Variants in ADAMTSL3 observed in about 807,000 individuals in gnomAD.
ADAMTSL3 encodes the protein ADAMTS like 3.
In ADAMTSL3, 128 loss-of-function variants were observed where a neutral mutation model predicts 201.7. That is an observed-to-expected ratio of 0.63 (90% CI 0.55 to 0.73). ADAMTSL3 has a LOEUF of 0.73. ADAMTSL3 is among the 30% of genes least tolerant of loss of function. ADAMTSL3 has a pLI of 0.00. For missense variants in ADAMTSL3, 1,990 were observed against 2,119.6 expected (o/e 0.94, Z 1.20); for synonymous variants, 738 against 748.4 (o/e 0.99, Z 0.23).
chr15:83,704,003 CA>C (rs373378778), intron 2 of ADAMTSL3, among the ~76,000 whole-genome samples: 68 of 127,764 alleles, frequency 5.3e-4, no homozygotes, highest in East Asian at 1.8e-3. Flanking sequence ...ACTCCTTTGC[CA>C]AAAAAAAAAA....
intron 2 of ADAMTSL3, among the ~76,000 whole-genome samples, chr15:83,697,826 C>T (rs1174174572): frequency 6.6e-6 from 1 of 152,104 alleles, no homozygotes; most frequent in Non-Finnish European, 1.5e-5. Flanking sequence ...CTTTCAGCAC[C>T]TCTCCCTTCA....
intron 4 of ADAMTSL3, among the ~76,000 whole-genome samples, chr15:83,801,651 A>AATATATATATATATATATATATATAT (rs68098545): frequency 2.6e-4 from 8 of 31,284 alleles, no homozygotes; most frequent in Non-Finnish European, 4.7e-4. Flanking sequence ...TATAAATATA[A>AATATATATATATATATATATATATAT]ATATATATAT....
At position 83,892,951 on chromosome 15, in the gene ADAMTSL3, G is replaced by A. The variant is rs544172569; in HGVS notation, c.1467+63G>A. On this transcript the variant is annotated intron_variant, in intron 13 of 29. Transcript: ENST00000286744. The stretch of plus-strand genomic sequence containing the variant: ...ATATTTTAAGGGATATTTTCTATAT[G>A]CCCACCATGGTGCTAGACAGCATGG... 19 of 1,483,722 alleles carry A rather than the reference G, an allele frequency of 1.3e-5. 1 individual carries two copies. In the East Asian group the frequency reaches 1.4e-4, roughly 11 times the overall value. 91.9% of individuals were successfully genotyped at this position (1,483,722 alleles called of 1,614,324 possible). A position where few individuals can be genotyped will look rare whatever the true frequency, so the allele number is the denominator to read the frequency against.
At chr15:83,903,234 T>C (rs1200329013) in intron 15 of ADAMTSL3, among the ~76,000 whole-genome samples, 1 of 139,528 alleles carries the variant, frequency 7.2e-6, no homozygotes, top group African/African-American at 2.8e-5. Flanking sequence ...TTCTTTCGGC[T>C]GCCAGATCTT....
At chr15:83,913,529 T>C in intron 16 of ADAMTSL3, 151 bp downstream of exon 16, 1 of 891,928 alleles carries the variant, frequency 1.1e-6, no homozygotes, top group South Asian at 1.8e-5. Flanking sequence ...TTTTCTTCTT[T>C]TTCTTTCTTT....
intron 23 of ADAMTSL3, among the ~76,000 whole-genome samples, chr15:83,998,009 T>C (rs1372535091): frequency 2.0e-5 from 3 of 151,590 alleles, no homozygotes; most frequent in Admixed American, 6.6e-5. Flanking sequence ...TCACCTAGTA[T>C]TGGGAGGGAA....
chr15:83,670,540 C>T (rs2061317943), intron 2 of ADAMTSL3, among the ~76,000 whole-genome samples: 1 of 151,976 alleles, frequency 6.6e-6, no homozygotes, highest in Admixed American at 6.6e-5. Context: ...AATACTTAAA[C>T]AAAAGTTTTG....
At chr15:83,878,728 T>G (rs1301029565) in intron 9 of ADAMTSL3, among the ~76,000 whole-genome samples, 1 of 152,204 alleles carries the variant, frequency 6.6e-6, no homozygotes, top group East Asian at 1.9e-4. Context: ...AAGGTTTTTG[T>G]TGTTGTTTTG....
chr15:83,911,615 A>T (rs2065936962), intron 15 of ADAMTSL3, among the ~76,000 whole-genome samples: 1 of 152,204 alleles, frequency 6.6e-6, no homozygotes, highest in African/African-American at 2.4e-5. Flanking sequence ...GTTCCCCACT[A>T]ACAATTTTCA....
At position 83,800,302 on chromosome 15, in the gene ADAMTSL3, C is replaced by T. The variant is rs2063497353; in HGVS notation, c.318-4348C>T. Among the ~76,000 whole-genome samples the T allele has an allele frequency of 3.3e-5, 5 of 152,224 alleles. 1 individual carries two copies. The South Asian group carries it at 1.0e-3, about 32-fold the overall frequency. ...ATAAAATGCTCTCTTTTTCATATCA[C>T]CATGCTGCAATTGTAGTGGGATTTG... On this transcript the variant is annotated intron_variant, in intron 4 of 29. Transcript: ENST00000286744.
At chr15:83,816,499 C>T (rs555799977) in intron 5 of ADAMTSL3, among the ~76,000 whole-genome samples, 4 of 152,172 alleles carry the variant, frequency 2.6e-5, no homozygotes, top group Non-Finnish European at 5.9e-5. Flanking sequence ...GTTAGCTAGC[C>T]GGCACATTCA....
chr15:83,985,958 AT>A (rs900404407), intron 21 of ADAMTSL3, among the ~76,000 whole-genome samples: 160 of 145,132 alleles, frequency 1.1e-3, no homozygotes, highest in Middle Eastern at 3.6e-3. Context: ...GGAAACTGGC[AT>A]TTTTTTTTTT....
At chr15:83,929,743 CACACACAG>C in intron 17 of ADAMTSL3, among the ~76,000 whole-genome samples, 1 of 151,208 alleles carries the variant, frequency 6.6e-6, no homozygotes, top group East Asian at 1.9e-4. Context: ...CAGACACACA[CACACACAG>C]AGAGACAGAG....
intron 3 of ADAMTSL3, among the ~76,000 whole-genome samples, chr15:83,757,100 A>G (rs764134092): frequency 6.6e-6 from 1 of 152,140 alleles, no homozygotes; most frequent in Non-Finnish European, 1.5e-5. Flanking sequence ...TGGATCTACC[A>G]TTCTGGGGTC....
chr15:83,915,526 C>T (rs1016505201), intron 16 of ADAMTSL3, among the ~76,000 whole-genome samples: 2 of 151,144 alleles, frequency 1.3e-5, no homozygotes, highest in Non-Finnish European at 2.9e-5. Context: ...ACAGCTTTAT[C>T]GAGATAGAAT....
chr15:83,894,235 A>C (rs2065568589), intron 13 of ADAMTSL3, among the ~76,000 whole-genome samples: 1 of 152,192 alleles, frequency 6.6e-6, no homozygotes. Flanking sequence ...TCTTTTTCTG[A>C]TATCCCCAGA....
chr15:83,899,531 G>A (rs1020613851), intron 14 of ADAMTSL3, 116 bp from the exon 15 acceptor site: 68 of 973,200 alleles, frequency 7.0e-5, no homozygotes, highest in Non-Finnish European at 1.0e-4. Flanking sequence ...AACTCAACTT[G>A]CATTTGAAAA....
chr15:83,785,025 A>C (rs1421963422), intron 4 of ADAMTSL3, among the ~76,000 whole-genome samples: 1 of 152,152 alleles, frequency 6.6e-6, no homozygotes, highest in Admixed American at 6.5e-5. Flanking sequence ...TGCTGCTTTG[A>C]GTCCCCATTT....
At chr15:84,037,613 C>A in intron 29 of ADAMTSL3, 87 bp from the exon 30 acceptor site, 3 of 1,426,522 alleles carry the variant, frequency 2.1e-6, no homozygotes, top group Middle Eastern at 2.0e-4. Flanking sequence ...TCTGTGATCT[C>A]AATTTATGGC....
Sources: allele counts gnomAD v4.1 joint callset (sites outside exome capture counted in the v4.1 genomes callset), GRCh38; gene constraint gnomAD v4.1.1; transcripts MANE v1.5; gene names NCBI Gene and HGNC (gene_info 2026-07-23, HGNC 2026-07-21).